The following PIP5K1C variants were observed in gnomAD, a reference collection of about 807,000 sequenced individuals.
The protein encoded by PIP5K1C is phosphatidylinositol-4-phosphate 5-kinase type 1 gamma, also known as phosphatidylinositol 4-phosphate 5-kinase type-1 gamma.
Under a neutral mutation model 80.1 loss-of-function variants are expected in PIP5K1C, and 45 were observed. The ratio of observed to expected loss-of-function variants is 0.56; its 90% CI spans 0.44 to 0.72. The LOEUF (loss-of-function observed/expected upper bound fraction) is 0.72, where lower values mean the gene tolerates loss of function less well. Among genes scored for constraint, PIP5K1C ranks in the 30% least tolerant of loss-of-function variants. The pLI is 0.00. For missense variants in PIP5K1C, 753 were observed against 954.6 expected, an observed-to-expected ratio of 0.79 and a Z score of 2.78; for synonymous variants, 498 against 420.1, an observed-to-expected ratio of 1.19 and a Z score of -2.27.
chr19:3,657,838 G>A (rs1465669593), intron 5 of PIP5K1C, among the ~76,000 whole-genome samples: 1 of 152,022 alleles, frequency 6.6e-6, no homozygotes, highest in Non-Finnish European at 1.5e-5. Context: ...GGGAGGCTGA[G>A]GTGGGAGGAT....
Position 3,688,380 on chromosome 19 carries a change from G to T in PIP5K1C, c.94+11917C>A, listed in dbSNP as rs998323788. 6.6e-6 allele frequency among the ~76,000 whole-genome samples: 1 copy of T among 152,072 alleles called. No individual in the cohort carries two copies. Among genetic ancestry groups the T allele is most frequent in the Non-Finnish European group, 1.5e-5 (1 of 67,958 alleles). On this transcript the variant is annotated intron_variant, in intron 1 of 17. Transcript: ENST00000335312. This position sits in a 1 kb window ranked among gnomAD's most constrained non-coding sequence, Gnocchi z 5.3. ...AGGAGCTCCTGTTCCTCACCTGCGA[G>T]GGGGGGACGGCCTCTGGCCCCCTGC...
intron 11 of PIP5K1C, among the ~76,000 whole-genome samples, chr19:3,645,690 C>T (rs1007850301): frequency 5.3e-5 from 8 of 152,242 alleles, no homozygotes; most frequent in Non-Finnish European, 1.0e-4. Context: ...ATGGGGAAAC[C>T]AAGGCACAGA....
In PIP5K1C at chr19:3,653,460, T is replaced by C. The variant is rs541992813; in HGVS notation, c.751A>G (p.Lys251Glu). Residue 251 changes from lysine to glutamate, a missense_variant, in exon 7 of 18, where the codon AAG (lysine) becomes GAG (glutamate). By Grantham distance (56) the Lys-to-Glu change is moderately conservative (BLOSUM62 1). Around this residue, in one of 6 missense-constraint regions of PIP5K1C, gnomAD observed 139 missense variants for 289.7 expected, o/e 0.48. Transcript: ENST00000335312. ...TAGGTGGAGCCCTTGAGGTCGAACTTGAGGTGCATCTTGACCACGCGGGGC... is the reference window on the plus strand; with the variant it reads ...TAGGTGGAGCCCTTGAGGTCGAACTCGAGGTGCATCTTGACCACGCGGGGC... Reference protein sequence around the residue: ...ILPRVVKMHLKFDLKGSTYKR... With the variant: ...ILPRVVKMHLEFDLKGSTYKR... 6.2e-7 allele frequency: 1 copy of C among 1,613,772 alleles called. No individual in the cohort carries two copies. The highest frequency in any genetic ancestry group is 1.1e-5 in the South Asian group (1 of 91,086).
Position 3,631,194 on chromosome 19 carries a change from C to G in PIP5K1C, c.*1973G>C, listed in dbSNP as rs1043064645. Reference sequence around the variant, plus strand: ...CGGTGCCGCCCGCCCGGGGCCACACCTGCTGCTCCGAGTCACCCCACAGGC... The same window carrying G: ...CGGTGCCGCCCGCCCGGGGCCACACGTGCTGCTCCGAGTCACCCCACAGGC... On this transcript the variant is annotated 3_prime_UTR_variant, in exon 18 of 18. Coordinates refer to ENST00000335312, the MANE Select transcript of PIP5K1C (RefSeq NM_012398.3). The G allele has an allele frequency of 6.6e-6, 1 of 152,388 alleles. No homozygotes were observed. Among genetic ancestry groups the G allele is most frequent in the Admixed American group, 6.5e-5 (1 of 15,296 alleles). The allele number at this position is 152,388 out of a possible 1,614,324, so 9.4% of individuals were successfully genotyped here. A position where few individuals can be genotyped will look rare whatever the true frequency, so the allele number is the denominator to read the frequency against.
chr19:3,693,422 G>A (rs886301881), intron 1 of PIP5K1C, among the ~76,000 whole-genome samples: 5 of 152,196 alleles, frequency 3.3e-5, no homozygotes, highest in Admixed American at 2.6e-4. Context: ...GGAGGCAGGT[G>A]CAGGGGCTCC....
At position 3,648,592 on chromosome 19, in the gene PIP5K1C, T is replaced by A. The variant is rs1443237984; in HGVS notation, c.1211+33A>T. The A allele has an allele frequency of 4.5e-6, 7 of 1,572,358 alleles. No individual in the cohort carries two copies. The Admixed American group carries it at 5.1e-5, about 11-fold the overall frequency. ...CCTGTGGGACTGCAGACCCGGGGCGTCCACCTGTAGGACTGCAGACCCGGG... is the reference window on the plus strand; with the variant it reads ...CCTGTGGGACTGCAGACCCGGGGCGACCACCTGTAGGACTGCAGACCCGGG... On this transcript the variant is annotated intron_variant, in intron 9 of 17. Coordinates refer to ENST00000335312, the MANE Select transcript of PIP5K1C (RefSeq NM_012398.3). The surrounding 1 kb of genome is among the most constrained non-coding windows in gnomAD (Gnocchi z 4.3).
In PIP5K1C at chr19:3,688,977, G is replaced by A. The variant is rs1318557577; in HGVS notation, c.94+11320C>T. Among the ~76,000 whole-genome samples the A allele has an allele frequency of 2.6e-5, 4 of 152,142 alleles. No homozygotes were observed. The highest frequency in any genetic ancestry group is 1.9e-4 in the East Asian group (1 of 5,178). On this transcript the variant is annotated intron_variant, in intron 1 of 17. Coordinates refer to ENST00000335312, the MANE Select transcript of PIP5K1C (RefSeq NM_012398.3). The surrounding 1 kb of genome is among the most constrained non-coding windows in gnomAD (Gnocchi z 5.3). ...GGGGGGTGGGGGGGGCTTGGCGCAC[G>A]CGGCCTATGGTCTGTGAGCTCCCTG...
intron 16 of PIP5K1C, among the ~76,000 whole-genome samples, chr19:3,638,391 C>T (rs748122902): frequency 1.6e-4 from 24 of 152,208 alleles, no homozygotes; most frequent in African/African-American, 4.3e-4. Context: ...CCCGGTCCCC[C>T]GGCCCTCCTC....
rs1443006249 is a variant in PIP5K1C, at chr19:3,700,344, GC to G, written c.46del (p.Ala16ProfsTer31). On this transcript the variant is annotated frameshift_variant, in exon 1 of 18. Coordinates refer to ENST00000335312, the MANE Select transcript of PIP5K1C (RefSeq NM_012398.3). LOFTEE classifies it high-confidence loss of function. Reference sequence around the variant, plus strand: ...CGCCCACGCCGCCTCCGAGGGCACGGCCCCCGCCTCAGCGCTCTCCGCCTCG... The same window carrying G: ...CGCCCACGCCGCCTCCGAGGGCACGGCCCCGCCTCAGCGCTCTCCGCCTCG... Reference protein sequence around the residue: ...PDEAESAEAGAVPSEAAWAAE... With the variant: ...PDEAESAEAGXVPSEAAWAAE... 16 of 1,294,776 alleles carry G rather than the reference GC, an allele frequency of 1.2e-5. No individual in the cohort carries two copies. Among genetic ancestry groups the G allele is most frequent in the Admixed American group, 5.5e-5 (2 of 36,212 alleles). 80.2% of individuals were successfully genotyped at this position (1,294,776 alleles called of 1,614,324 possible). A position where few individuals can be genotyped will look rare whatever the true frequency, so the allele number is the denominator to read the frequency against.
chr19:3,636,694 G>A, intron 16 of PIP5K1C: 1 of 985,774 alleles, frequency 1.0e-6, no homozygotes, highest in Non-Finnish European at 1.2e-6. Flanking sequence ...ACCTCTTGGG[G>A]TCACTCCACA....
chr19:3,680,664 A>C (rs1282547230), intron 1 of PIP5K1C, among the ~76,000 whole-genome samples: 1 of 152,224 alleles, frequency 6.6e-6, no homozygotes, highest in Non-Finnish European at 1.5e-5. Flanking sequence ...GAATCACATA[A>C]AAGACACCCA....
chr19:3,669,225 G>A (rs575656196), intron 1 of PIP5K1C, among the ~76,000 whole-genome samples: 2 of 152,304 alleles, frequency 1.3e-5, no homozygotes, highest in Non-Finnish European at 2.9e-5. Context: ...AGGCTGCGCC[G>A]GAGTGTGTGC....
intron 1 of PIP5K1C, among the ~76,000 whole-genome samples, chr19:3,698,193 G>A (rs1024027244): frequency 7.2e-5 from 11 of 152,240 alleles, no homozygotes; most frequent in African/African-American, 1.7e-4. Flanking sequence ...TGGAGGCACC[G>A]ATGGTGGAGA....
Position 3,630,883 on chromosome 19 carries a change from A to G in PIP5K1C, c.*2284T>C. 6.6e-6 allele frequency: 1 copy of G among 152,124 alleles called. No individual in the cohort carries two copies. The highest frequency in any genetic ancestry group is 1.5e-5 in the Non-Finnish European group (1 of 68,010). The allele number at this position is 152,124 out of a possible 1,614,324, so 9.4% of individuals were successfully genotyped here. A position where few individuals can be genotyped will look rare whatever the true frequency, so the allele number is the denominator to read the frequency against. ...GGTCCAGCAGCCTCCCTCGCGGGGG[A>G]TCTGAGGGAGACCGAGTTCGCTAAA... is the stretch of plus-strand genomic sequence containing the variant. On this transcript the variant is annotated 3_prime_UTR_variant, in exon 18 of 18. Coordinates refer to ENST00000335312, the MANE Select transcript of PIP5K1C (RefSeq NM_012398.3).
In PIP5K1C at chr19:3,643,275, G is replaced by A. The variant is rs2034059243; in HGVS notation, c.1617C>T (p.Ser539=). The A allele has an allele frequency of 1.2e-6, 2 of 1,613,906 alleles. No individual in the cohort carries two copies. The highest frequency in any genetic ancestry group is 2.7e-5 in the African/African-American group (2 of 75,040). Residue 539 remains serine, a synonymous_variant, in exon 13 of 18, where the codon TCC becomes TCT. Coordinates refer to ENST00000335312, the MANE Select transcript of PIP5K1C (RefSeq NM_012398.3). The part of the protein sequence containing the change: ...SSTSLSIPER[S]PSETSEQPRY... ...GCGGCTGCTCCGACGTCTCCGAGGG[G>A]GACCGCTCAGGAATGGAGAGGGATG...
rs764709446 is a variant in PIP5K1C, at chr19:3,643,322, T to C, written c.1570A>G (p.Ile524Val). The change falls in exon 13 of 18, where the codon ATT becomes GTT. Residue 524 changes from isoleucine to valine, a missense_variant. By Grantham distance (29) the Ile-to-Val change is conservative. Transcript: ENST00000335312. The part of the protein sequence containing the change: ...PSFEEATTAS[I>V]ATTLSSTSLS... ...GATGTGGATGACAGAGTCGTGGCAA[T>C]GGAGGCTGTAGTGGCTTCTTCGAAA... The C allele has an allele frequency of 2.3e-5, 37 of 1,613,936 alleles. No individual in the cohort carries two copies. The East Asian group carries it at 7.4e-4, about 32-fold the overall frequency.
intron 1 of PIP5K1C, among the ~76,000 whole-genome samples, 196 bp downstream of exon 1, chr19:3,700,101 C>A (rs1187159125): frequency 6.6e-6 from 1 of 151,984 alleles, no homozygotes; most frequent in Admixed American, 6.5e-5. Context: ...GGTAGCCCCT[C>A]GCAGGCCTCC....
At chr19:3,695,787 G>A (rs911026137) in intron 1 of PIP5K1C, among the ~76,000 whole-genome samples, 7 of 148,378 alleles carry the variant, frequency 4.7e-5, no homozygotes, top group Admixed American at 2.7e-4. Flanking sequence ...GCAGTGGCAC[G>A]ATCACAGCTC....
chr19:3,648,250 T>A lies in PIP5K1C; in HGVS notation c.1211+375A>T, dbSNP rs369117116. Reference sequence around the variant, plus strand: ...GTTGCCCAGGCTGGTCTCAAACTCCTGGGCTCAAGCAATCCTCCCGCCTCG... The same window carrying A: ...GTTGCCCAGGCTGGTCTCAAACTCCAGGGCTCAAGCAATCCTCCCGCCTCG... On this transcript the variant is annotated intron_variant, in intron 9 of 17. Coordinates refer to ENST00000335312, the MANE Select transcript of PIP5K1C (RefSeq NM_012398.3). The surrounding 1 kb of genome is among the most constrained non-coding windows in gnomAD (Gnocchi z 4.3). Among the ~76,000 whole-genome samples the A allele has an allele frequency of 8.5e-5, 13 of 152,152 alleles. No homozygotes were observed. The highest frequency in any genetic ancestry group is 2.9e-4 in the African/African-American group (12 of 41,430).
Sources: gnomAD v4.1 joint callset for allele counts (sites outside exome capture counted in the v4.1 genomes callset) on GRCh38, gnomAD v4.1.1 for gene constraint, gnomAD v4.1.1 regional missense constraint, Gnocchi (gnomAD v3.1) non-coding constraint, MANE v1.5 for transcripts, NCBI Gene and HGNC (gene_info 2026-07-23, HGNC 2026-07-21) for gene names.